The following COG5 variants were observed in gnomAD, a reference collection of about 807,000 sequenced individuals.
The protein encoded by COG5 is component of oligomeric golgi complex 5, also known as conserved oligomeric Golgi complex subunit 5.
A neutral mutation model predicts 110.4 loss-of-function variants in COG5; 86 were observed. The observed-to-expected ratio is 0.78, with a 90% confidence interval of 0.65 to 0.93. The LOEUF is 0.93. COG5 is among the 40% of genes least tolerant of loss of function. The probability of loss-of-function intolerance (pLI) is 0.00; values close to 1 mark genes in which losing one functional copy is unlikely to be tolerated. For synonymous variants in COG5, 360 were observed against 334.6 expected, an observed-to-expected ratio of 1.08 and a Z score of -0.83; for missense variants, 1,077 against 987.0, an observed-to-expected ratio of 1.09 and a Z score of -1.22.
intron 6 of COG5, among the ~76,000 whole-genome samples, chr7:107,504,850 A>G (rs1010578064): frequency 5.9e-5 from 9 of 152,030 alleles, no homozygotes; most frequent in African/African-American, 2.2e-4. Flanking sequence ...TAATGTCTCC[A>G]GTTTCATTTC....
At chr7:107,291,499 A>C (rs1055654805) in intron 12 of COG5, among the ~76,000 whole-genome samples, 15 of 152,154 alleles carry the variant, frequency 9.9e-5, no homozygotes, top group African/African-American at 2.9e-4. Flanking sequence ...AATGAAGTCT[A>C]TCTCTCTCCC....
At chr7:107,523,574 G>A (rs1055241972) in intron 6 of COG5, among the ~76,000 whole-genome samples, 1 of 152,084 alleles carries the variant, frequency 6.6e-6, no homozygotes, top group Admixed American at 6.6e-5. Context: ...CAGCACTTTG[G>A]GAGGCCGAGA....
At chr7:107,550,818 G>A (rs1161914038) in intron 3 of COG5, among the ~76,000 whole-genome samples, 1 of 151,142 alleles carries the variant, frequency 6.6e-6, no homozygotes, top group East Asian at 1.9e-4. Context: ...CAATTCTCAT[G>A]CCTCAGCATT....
At chr7:107,266,635 G>A (rs1397740029) in intron 14 of COG5, among the ~76,000 whole-genome samples, 1 of 152,034 alleles carries the variant, frequency 6.6e-6, no homozygotes, top group Non-Finnish European at 1.5e-5. Context: ...GTAGGAATAC[G>A]AGTTATTCCT....
intron 10 of COG5, among the ~76,000 whole-genome samples, chr7:107,347,547 T>C (rs77450856): frequency 3.2e-4 from 49 of 152,262 alleles, no homozygotes; most frequent in African/African-American, 1.2e-3. Context: ...GTAACAATAA[T>C]ACATTATATA....
chr7:107,509,218 G>GA (rs1799291620), intron 6 of COG5, among the ~76,000 whole-genome samples: 2 of 152,210 alleles, frequency 1.3e-5, no homozygotes, highest in African/African-American at 4.8e-5. Context: ...TGAGGTAGCT[G>GA]AAAGCCAAGG....
Position 107,236,524 on chromosome 7 carries a change from A to G in COG5, c.2017T>C (p.Phe673Leu), listed in dbSNP as rs760142201. ...EAIAQRAVEL[F>L]IRHASLIRPL... ...CTTATGAGACTGGCATGGCGGATAAAAAGTTCAACAGCTCTTTGGGCAATA... is the reference window on the plus strand; with the variant it reads ...CTTATGAGACTGGCATGGCGGATAAGAAGTTCAACAGCTCTTTGGGCAATA... The change falls in exon 18 of 22, where the codon TTT becomes CTT. Residue 673 changes from phenylalanine (F) to leucine (L), a missense_variant. Phe to Leu is a conservative substitution (Grantham distance 22). Coordinates refer to ENST00000297135, the MANE Select transcript of COG5 (RefSeq NM_006348.5). 2 of 1,614,212 alleles carry G rather than the reference A, an allele frequency of 1.2e-6. No homozygotes were observed. Among genetic ancestry groups the G allele is most frequent in the South Asian group, 2.2e-5 (2 of 91,078 alleles).
Position 107,474,532 on chromosome 7 carries a change from G to A in COG5, c.538+52705C>T. The A allele has an allele frequency of 6.2e-7, 1 of 1,611,552 alleles. No homozygotes were observed. The highest frequency in any genetic ancestry group is 8.5e-7 in the Non-Finnish European group (1 of 1,178,112). On this transcript the variant is annotated intron_variant, in intron 6 of 21. Transcript: ENST00000297135. The surrounding 1 kb of genome is among the most constrained non-coding windows in gnomAD (Gnocchi z 5.7). Reference sequence around the variant, plus strand: ...CCGAATTCTGACAATGGGCAGAGCTGTAATGTTAATGATATCCATTTGGAT... The same window carrying A: ...CCGAATTCTGACAATGGGCAGAGCTATAATGTTAATGATATCCATTTGGAT...
intron 14 of COG5, among the ~76,000 whole-genome samples, chr7:107,277,769 C>T (rs758982847): frequency 2.6e-5 from 4 of 151,992 alleles, no homozygotes; most frequent in Non-Finnish European, 5.9e-5. Flanking sequence ...TCTCTGGTAT[C>T]GCTTTGGATT....
intron 10 of COG5, among the ~76,000 whole-genome samples, chr7:107,339,252 C>T (rs547357839): frequency 2.0e-5 from 3 of 151,930 alleles, no homozygotes; most frequent in African/African-American, 7.3e-5. Flanking sequence ...GACTTTAATC[C>T]AACAACAGTA....
At chr7:107,509,240 C>G (rs371548788) in intron 6 of COG5, among the ~76,000 whole-genome samples, 15 of 152,020 alleles carry the variant, frequency 9.9e-5, no homozygotes, top group Admixed American at 8.5e-4. Flanking sequence ...TCAAGAACTA[C>G]GTGAAGAATG....
chr7:107,480,332 A>G (rs1443139482), intron 6 of COG5, among the ~76,000 whole-genome samples: 2 of 152,180 alleles, frequency 1.3e-5, no homozygotes, highest in African/African-American at 4.8e-5. Context: ...TAAGAAAACT[A>G]AAGTAAACTT....
intron 7 of COG5, among the ~76,000 whole-genome samples, chr7:107,395,197 C>T (rs1198288866): frequency 6.6e-6 from 1 of 151,710 alleles, no homozygotes; most frequent in African/African-American, 2.4e-5. Context: ...CCATTTCACA[C>T]TCAAAATGAA....
At chr7:107,262,890 C>A (rs1026275731) in intron 14 of COG5, among the ~76,000 whole-genome samples, 1 of 152,114 alleles carries the variant, frequency 6.6e-6, no homozygotes, top group Non-Finnish European at 1.5e-5. Context: ...ACAGTTTATA[C>A]CAAAGTATGC....
intron 7 of COG5, among the ~76,000 whole-genome samples, chr7:107,408,365 G>T (rs558515292): frequency 5.3e-5 from 8 of 152,160 alleles, no homozygotes. Flanking sequence ...TTGAATAGTG[G>T]TGCTCCACAG....
chr7:107,563,880 C>T lies in COG5; in HGVS notation c.17G>A (p.Gly6Asp), dbSNP rs919495599. The stretch of plus-strand genomic sequence containing the variant: ...TCCGAGGCCAGCTACAGCGACGCTG[C>T]CGCCGCCACCTTCCATGTTGGCAGG... The part of the protein sequence containing the change: MEGGG[G>D]SVAVAGLGAR... Residue 6 changes from glycine (G) to aspartate (D), a missense_variant, in exon 1 of 22, where the codon GGC (glycine) becomes GAC (aspartate). By Grantham distance (94) the Gly-to-Asp change is moderately conservative. Transcript: ENST00000297135. 4 of 1,613,616 alleles carry T rather than the reference C, an allele frequency of 2.5e-6. No individual in the cohort carries two copies. Among genetic ancestry groups the T allele is most frequent in the Non-Finnish European group, 3.4e-6 (4 of 1,179,972 alleles).
At chr7:107,309,769 A>G (rs1808054964) in intron 11 of COG5, among the ~76,000 whole-genome samples, 1 of 151,964 alleles carries the variant, frequency 6.6e-6, no homozygotes, top group Non-Finnish European at 1.5e-5. Context: ...TTTCATTTTC[A>G]TTTTGTTTTA....
intron 11 of COG5, among the ~76,000 whole-genome samples, chr7:107,322,403 A>C (rs1809384230): frequency 6.6e-6 from 1 of 152,192 alleles, no homozygotes; most frequent in African/African-American, 2.4e-5. Flanking sequence ...CCATTTCTCC[A>C]GAACTGTGAG....
intron 7 of COG5, among the ~76,000 whole-genome samples, chr7:107,398,577 C>T (rs561718094): frequency 6.6e-6 from 1 of 152,202 alleles, no homozygotes; most frequent in Non-Finnish European, 1.5e-5. Context: ...CCTCTGCCCC[C>T]ACATGTGTGG....
Sources: gnomAD v4.1 joint callset for allele counts (sites outside exome capture counted in the v4.1 genomes callset) on GRCh38, gnomAD v4.1.1 for gene constraint, Gnocchi (gnomAD v3.1) non-coding constraint, MANE v1.5 for transcripts, NCBI Gene and HGNC (gene_info 2026-07-23, HGNC 2026-07-21) for gene names.